GGNBP2: variants seen among roughly 807,000 people sequenced by gnomAD.
GGNBP2 encodes the protein gametogenetin binding protein 2, also known as gametogenetin-binding protein 2.
In GGNBP2, 10 loss-of-function variants were observed where a neutral mutation model predicts 85.9. The observed-to-expected ratio is 0.12, with a 90% CI of 0.07 to 0.20. The LOEUF is 0.20. GGNBP2 is among the 10% of genes least tolerant of loss of function. The probability of loss-of-function intolerance (pLI) is 1.00; values close to 1 mark genes in which losing one functional copy is unlikely to be tolerated. For missense variants in GGNBP2, 595 were observed against 857.8 expected, an observed-to-expected ratio of 0.69 and a Z score of 3.83; for synonymous variants, 287 against 285.7, an observed-to-expected ratio of 1.00 and a Z score of -0.05.
chr17:36,579,798 G>A (rs988523838), intron 8 of GGNBP2, among the ~76,000 whole-genome samples: 20 of 152,092 alleles, frequency 1.3e-4, no homozygotes, highest in African/African-American at 4.3e-4. Context: ...ATCACCTGAG[G>A]TCAGGAGTTT....
chr17:36,564,740 A>G (rs1599520235), intron 5 of GGNBP2, among the ~76,000 whole-genome samples: 1 of 150,238 alleles, frequency 6.7e-6, no homozygotes, highest in Admixed American at 6.6e-5. Flanking sequence ...ATGTATTTCC[A>G]CTCCCCCTCC....
At chr17:36,580,576 GT>G (rs923607586) in intron 8 of GGNBP2, among the ~76,000 whole-genome samples, 8 of 151,690 alleles carry the variant, frequency 5.3e-5, no homozygotes, top group Admixed American at 2.0e-4. Context: ...AGGTTAAATA[GT>G]TTTTTCATTA....
intron 2 of GGNBP2, chr17:36,546,193 C>T: frequency 2.6e-6 from 1 of 389,240 alleles, no homozygotes; most frequent in Non-Finnish European, 4.6e-6. Flanking sequence ...GGCTTAATTA[C>T]CTGGTAATGT....
intron 6 of GGNBP2, among the ~76,000 whole-genome samples, 198 bp downstream of exon 6, chr17:36,567,974 G>A (rs2074485027): frequency 6.6e-6 from 1 of 151,416 alleles, no homozygotes; most frequent in African/African-American, 2.4e-5. Flanking sequence ...TCGCCAGGCT[G>A]GAGTACAGTG....
intron 9 of GGNBP2, 67 bp downstream of exon 9, chr17:36,581,605 T>A: frequency 3.3e-6 from 4 of 1,218,808 alleles, no homozygotes; most frequent in Non-Finnish European, 4.6e-6. Flanking sequence ...ACAGGCCAGG[T>A]GTGGTGGCTC....
chr17:36,582,354 C>G (rs2074659692), intron 9 of GGNBP2: 1 of 152,120 alleles, frequency 6.6e-6, no homozygotes, highest in Non-Finnish European at 1.5e-5. Flanking sequence ...CCACTGCAGT[C>G]CAGCCTGGGC....
chr17:36,578,735 A>G (rs1415013745), intron 7 of GGNBP2: 1 of 155,090 alleles, frequency 6.4e-6, no homozygotes, highest in South Asian at 2.0e-4. Flanking sequence ...TAGGGTATCA[A>G]CCCTCATTTG....
At chr17:36,575,648 A>ATATATATATATATATATATATAT (rs374366757) in intron 6 of GGNBP2, among the ~76,000 whole-genome samples, 1 of 54,914 alleles carries the variant, frequency 1.8e-5, no homozygotes, top group African/African-American at 1.1e-4. Context: ...ATATATATAT[A>ATATATATATATATATATATATAT]TTTTTTTTTT....
intron 5 of GGNBP2, among the ~76,000 whole-genome samples, chr17:36,563,440 T>A (rs1317563736): frequency 6.6e-6 from 1 of 152,120 alleles, no homozygotes; most frequent in South Asian, 2.1e-4. Flanking sequence ...TTAAAGCAAG[T>A]CCCAGGCTTC....
chr17:36,554,399 C>G (rs1306729665), intron 2 of GGNBP2, among the ~76,000 whole-genome samples: 1 of 65,482 alleles, frequency 1.5e-5, no homozygotes, highest in Non-Finnish European at 2.7e-5. Context: ...CAGAGTTTCA[C>G]TCTTGTTGTC....
chr17:36,581,656 G>T, intron 9 of GGNBP2, 118 bp downstream of exon 9: 2 of 622,972 alleles, frequency 3.2e-6, no homozygotes, highest in Non-Finnish European at 5.4e-6. Flanking sequence ...CAGGGTGGAG[G>T]TATCACTTGA....
At chr17:36,567,029 TTGA>T (rs1313268112) in intron 5 of GGNBP2, among the ~76,000 whole-genome samples, 3 of 152,064 alleles carry the variant, frequency 2.0e-5, no homozygotes, top group Non-Finnish European at 4.4e-5. Flanking sequence ...AAAAAATTAC[TTGA>T]TGATGATCTC....
rs117297284 is a variant in GGNBP2, at chr17:36,568,988, T to C, written c.641+1212T>C. On this transcript the variant is annotated intron_variant, in intron 6 of 13. Coordinates refer to ENST00000613102, the MANE Select transcript of GGNBP2 (RefSeq NM_024835.5). Reference sequence around the variant, plus strand: ...CCAGGATGGTCTCAGTCTCCTGACTTGTGATCCGCTCTCCTCAGCCTCCCG... The same window carrying C: ...CCAGGATGGTCTCAGTCTCCTGACTCGTGATCCGCTCTCCTCAGCCTCCCG... Among the ~76,000 whole-genome samples, 310 of 152,200 alleles carry C rather than the reference T, an allele frequency of 2.0e-3. 3 individuals carry two copies. The East Asian group carries it at 0.029, about 14-fold the overall frequency.
intron 9 of GGNBP2, among the ~76,000 whole-genome samples, chr17:36,584,817 GGTGGT>G: frequency 6.6e-6 from 1 of 152,158 alleles, no homozygotes; most frequent in African/African-American, 2.4e-5. Context: ...AATTAGGCCT[GGTGGT>G]GTGCTTCTGT....
intron 7 of GGNBP2, 131 bp downstream of exon 7, chr17:36,578,317 T>A: frequency 1.5e-6 from 1 of 688,538 alleles, no homozygotes; most frequent in Non-Finnish European, 2.3e-6. Flanking sequence ...CCTGTAAAGA[T>A]TTTGCTTCTC....
Position 36,557,145 on chromosome 17 carries a change from C to T in GGNBP2, c.237C>T (p.Val79=), listed in dbSNP as rs1224837872. ...SIAMVVTSRE[V]LSALSQLVPC... ...CCATGGTGGTGACATCACGCGAAGT[C>T]CTGAGTGCACTTTCTCAGCTTGTCC... Residue 79 remains valine (V), a synonymous_variant, in exon 4 of 14, where the codon GTC becomes GTT. Transcript: ENST00000613102. The T allele has an allele frequency of 6.2e-7, 1 of 1,613,942 alleles. No individual in the cohort carries two copies. Among genetic ancestry groups the T allele is most frequent in the African/African-American group, 1.3e-5 (1 of 74,882 alleles).
At chr17:36,561,039 T>C (rs8068351) in intron 5 of GGNBP2, among the ~76,000 whole-genome samples, 168 bp downstream of exon 5, 45,613 of 152,192 alleles carry the variant, frequency 0.3, 8,337 homozygotes, top group Non-Finnish European at 0.41. Flanking sequence ...CATTTTGCCT[T>C]GATATATATA....
chr17:36,564,835 A>C (rs983027923), intron 5 of GGNBP2, among the ~76,000 whole-genome samples: 1 of 150,618 alleles, frequency 6.6e-6, no homozygotes, highest in Non-Finnish European at 1.5e-5. Context: ...ATTAGGTTTT[A>C]GCCTAATAAA....
intron 5 of GGNBP2, 70 bp downstream of exon 5, chr17:36,560,941 G>T: frequency 1.2e-6 from 1 of 817,822 alleles, no homozygotes; most frequent in Non-Finnish European, 2.0e-6. Flanking sequence ...TTTAGTAAAA[G>T]AAATAAACCC....
Sources: allele counts gnomAD v4.1 joint callset (sites outside exome capture counted in the v4.1 genomes callset), GRCh38; gene constraint gnomAD v4.1.1; transcripts MANE v1.5; gene names NCBI Gene and HGNC (gene_info 2026-07-23, HGNC 2026-07-21).